Variants in ASPSCR1 observed in about 807,000 individuals in gnomAD.
ASPSCR1 encodes the protein tether containing UBX domain for GLUT4.
Under a neutral mutation model 68.9 loss-of-function variants are expected in ASPSCR1, and 55 were observed. That is an observed-to-expected ratio of 0.80 (90% CI 0.64 to 1.00). ASPSCR1 has a LOEUF of 1.00. Ranked by LOEUF, ASPSCR1 falls within the 50% of genes least tolerant of loss-of-function variation. The pLI is 0.00. For missense variants in ASPSCR1, 765 were observed against 762.2 expected (o/e 1.00, Z -0.04); for synonymous variants, 352 against 332.6 (o/e 1.06, Z -0.63).
In ASPSCR1 at chr17:81,996,684, G is replaced by T; in HGVS notation, c.771G>T (p.Gly257=). ...GGGQRLGGPP[G]PTRPLTSSSA... The stretch of plus-strand genomic sequence containing the variant: ...GACAGAGACTGGGGGGCCCTCCTGG[G>T]CCCACGAGGCCTCTGACATCATCTT... The change falls in exon 7 of 16, where the codon GGG becomes GGT. Residue 257 remains glycine, a synonymous_variant. Coordinates refer to ENST00000306739, the MANE Select transcript of ASPSCR1 (RefSeq NM_024083.4). The T allele has an allele frequency of 6.2e-7, 1 of 1,613,392 alleles. No individual in the cohort carries two copies. The highest frequency in any genetic ancestry group is 8.5e-7 in the Non-Finnish European group (1 of 1,179,934).
chr17:81,994,550 G>A (rs993964488), intron 4 of ASPSCR1, among the ~76,000 whole-genome samples: 3 of 152,172 alleles, frequency 2.0e-5, no homozygotes, highest in African/African-American at 4.8e-5. Context: ...CAGCGGCCCC[G>A]AGACTGGAGG....
chr17:82,011,077 C>G (rs189172969), intron 10 of ASPSCR1, among the ~76,000 whole-genome samples: 1 of 152,174 alleles, frequency 6.6e-6, no homozygotes, highest in Non-Finnish European at 1.5e-5. Flanking sequence ...TCCAGGTGCC[C>G]GGCCCCAGCT....
rs1010962678 is a variant in ASPSCR1 at position 82,016,708 on chromosome 17, C to T, written c.1406-92C>T. The T allele has an allele frequency of 7.4e-6, 11 of 1,491,276 alleles. No individual in the cohort carries two copies. The South Asian group carries it at 8.4e-5, about 11-fold the overall frequency. 92.4% of individuals were successfully genotyped at this position (1,491,276 alleles called of 1,614,324 possible). A position where few individuals can be genotyped will look rare whatever the true frequency, so the allele number is the denominator to read the frequency against. ...GGACAGCCACCTGCTGGCCACCCCC[C>T]TCCCAGAGCTGAGTGCTGGTGGGCA... On this transcript the variant is annotated intron_variant, in intron 13 of 15. Coordinates refer to ENST00000306739, the MANE Select transcript of ASPSCR1 (RefSeq NM_024083.4).
Position 82,016,898 on chromosome 17 carries a change from C to T in ASPSCR1, c.1475+29C>T, listed in dbSNP as rs771325005. 6 of 1,612,276 alleles carry T rather than the reference C, an allele frequency of 3.7e-6. No homozygotes were observed. The East Asian group carries it at 1.1e-4, about 30-fold the overall frequency. ...AGTGCCGGTGGGTCTGGGGGCACCT[C>T]CCGTGGCGGCACTCACCACTCTGTG... On this transcript the variant is annotated intron_variant, in intron 14 of 15. Coordinates refer to ENST00000306739, the MANE Select transcript of ASPSCR1 (RefSeq NM_024083.4).
intron 7 of ASPSCR1, 139 bp from the exon 8 acceptor site, chr17:82,008,898 C>T: frequency 8.1e-7 from 1 of 1,240,550 alleles, no homozygotes; most frequent in Non-Finnish European, 1.1e-6. Context: ...CTGGCCTTGG[C>T]CCTGCGCTGG....
At chr17:81,996,337 G>A (rs2042337603) in intron 6 of ASPSCR1, 83 bp from the exon 7 acceptor site, 17 of 1,512,958 alleles carry the variant, frequency 1.1e-5, no homozygotes, top group East Asian at 9.2e-5. Context: ...GCCGGGGGCG[G>A]GAGAGGGTGA....
intron 6 of ASPSCR1, 73 bp from the exon 7 acceptor site, chr17:81,996,347 A>G: frequency 6.6e-7 from 1 of 1,519,138 alleles, no homozygotes; most frequent in East Asian, 2.3e-5. Flanking sequence ...GGAGAGGGTG[A>G]GCCTGGGCCG....
chr17:82,011,708 A>T, intron 11 of ASPSCR1, 103 bp downstream of exon 11: 1 of 1,323,182 alleles, frequency 7.6e-7, no homozygotes, highest in Non-Finnish European at 1.1e-6. Flanking sequence ...GCTTCTCCAC[A>T]GGAGCAGCAT....
At chr17:81,979,914 A>G (rs1164477934) in intron 2 of ASPSCR1, among the ~76,000 whole-genome samples, 3 of 152,160 alleles carry the variant, frequency 2.0e-5, no homozygotes, top group Admixed American at 6.5e-5. Context: ...CCTCATATGG[A>G]TAGGATGTGC....
At chr17:81,993,255 C>T (rs1411649093) in intron 4 of ASPSCR1, among the ~76,000 whole-genome samples, 1 of 152,040 alleles carries the variant, frequency 6.6e-6, no homozygotes, top group Non-Finnish European at 1.5e-5. Flanking sequence ...GCTCTGTCGC[C>T]CAGGCTGGAG....
At chr17:81,981,483 A>T (rs568132797) in intron 2 of ASPSCR1, among the ~76,000 whole-genome samples, 2 of 152,216 alleles carry the variant, frequency 1.3e-5, no homozygotes, top group South Asian at 4.2e-4. Flanking sequence ...GGTTCAAGTG[A>T]TTCTTCTGCC....
At chr17:82,014,288 A>G (rs796388849) in intron 12 of ASPSCR1, 5 of 152,630 alleles carry the variant, frequency 3.3e-5, no homozygotes, top group African/African-American at 1.2e-4. Flanking sequence ...CTCTGGGACC[A>G]ACAGGCCCCC....
In ASPSCR1 at chr17:81,985,528, G is replaced by A. The variant is rs145684585; in HGVS notation, c.295G>A (p.Asp99Asn). 1.6e-4 allele frequency: 259 copies of A among 1,613,972 alleles called. No individual in the cohort carries two copies. The highest frequency in any genetic ancestry group is 3.0e-4 in the South Asian group (27 of 91,096). The change falls in exon 4 of 16, where the codon GAC becomes AAC. Residue 99 changes from aspartate to asparagine, a missense_variant. Coordinates refer to ENST00000306739, the MANE Select transcript of ASPSCR1 (RefSeq NM_024083.4). ...CCAGGTTCGCATCGCTTTGCAGCTGGACGATGGCTCGAGGTTGCAGGACTC... is the reference window on the plus strand; with the variant it reads ...CCAGGTTCGCATCGCTTTGCAGCTGAACGATGGCTCGAGGTTGCAGGACTC... Reference protein sequence around the residue: ...ENMVRIALQLDDGSRLQDSFC... With the variant: ...ENMVRIALQLNDGSRLQDSFC...
In ASPSCR1 at chr17:81,996,616, A is replaced by C. The variant is rs770237371; in HGVS notation, c.703A>C (p.Arg235=). The C allele has an allele frequency of 6.2e-7, 1 of 1,611,658 alleles. No individual in the cohort carries two copies. The highest frequency in any genetic ancestry group is 8.5e-7 in the Non-Finnish European group (1 of 1,178,582). The part of the protein sequence containing the change: ...CEHTQEKQST[R]APAAAPFVPF... ...GCACACTCAGGAGAAGCAGAGCACA[A>C]GGGCACCCGCAGCTGCCCCCTTTGT... is the stretch of plus-strand genomic sequence containing the variant. Residue 235 remains arginine (R), a synonymous_variant, in exon 7 of 16, where the codon AGG becomes CGG. Transcript: ENST00000306739.
chr17:82,006,752 C>T (rs1233804885), intron 7 of ASPSCR1: 1 of 152,344 alleles, frequency 6.6e-6, no homozygotes, highest in Non-Finnish European at 1.5e-5. Flanking sequence ...CACAGTGTCT[C>T]ATCCCTCAAC....
intron 13 of ASPSCR1, 97 bp from the exon 14 acceptor site, chr17:82,016,703 C>A (rs2043139085): frequency 6.8e-7 from 1 of 1,473,406 alleles, no homozygotes; most frequent in Non-Finnish European, 9.2e-7. Flanking sequence ...CTGCTGGCCA[C>A]CCCCCTCCCA....
chr17:81,995,866 GT>G (rs753524502), intron 5 of ASPSCR1, 125 bp from the exon 6 acceptor site: 7 of 872,984 alleles, frequency 8.0e-6, no homozygotes, highest in Non-Finnish European at 1.3e-5. Flanking sequence ...GATGTGGGGG[GT>G]GGGTAGGATG....
chr17:81,994,913 T>A, intron 5 of ASPSCR1, 35 bp downstream of exon 5: 1 of 1,585,640 alleles, frequency 6.3e-7, no homozygotes, highest in African/African-American at 1.3e-5. Flanking sequence ...CAGTCCCCGC[T>A]CACTTTCAGC....
At chr17:82,011,955 G>A (rs937403378) in intron 11 of ASPSCR1, 17 of 616,474 alleles carry the variant, frequency 2.8e-5, no homozygotes, top group Non-Finnish European at 4.9e-5. Context: ...GGCCTCCCTT[G>A]GAGGGTGTCT....
Sources: gnomAD v4.1 joint callset for allele counts (sites outside exome capture counted in the v4.1 genomes callset) on GRCh38, gnomAD v4.1.1 for gene constraint, MANE v1.5 for transcripts, NCBI Gene and HGNC (gene_info 2026-07-23, HGNC 2026-07-21) for gene names.